Variants in GRIK4 observed in about 807,000 individuals in gnomAD.
GRIK4 encodes glutamate receptor ionotropic, kainate 4.
Under a neutral mutation model 104.9 loss-of-function variants are expected in GRIK4, and 40 were observed. That is an observed-to-expected ratio of 0.38 (90% CI 0.30 to 0.50). GRIK4 has a LOEUF of 0.50. Ranked by LOEUF, GRIK4 falls within the 20% of genes least tolerant of loss-of-function variation. The pLI, the probability that GRIK4 is intolerant of heterozygous loss-of-function variation, is 0.93. For synonymous variants in GRIK4, 485 were observed against 524.9 expected, an observed-to-expected ratio of 0.92 and a Z score of 1.04; for missense variants, 1,047 against 1,308.1, an observed-to-expected ratio of 0.80 and a Z score of 3.08.
intron 8 of GRIK4, among the ~76,000 whole-genome samples, chr11:120,841,630 C>T (rs1004807894): frequency 2.6e-5 from 4 of 152,106 alleles, no homozygotes; most frequent in Non-Finnish European, 5.9e-5. Flanking sequence ...GTGTATATGC[C>T]TAAGAGTGGA....
intron 1 of GRIK4, among the ~76,000 whole-genome samples, chr11:120,579,100 C>T (rs891511121): frequency 6.6e-6 from 1 of 152,190 alleles, no homozygotes; most frequent in African/African-American, 2.4e-5. Flanking sequence ...TATTGAGCAT[C>T]CACTGTATGC....
intron 6 of GRIK4, among the ~76,000 whole-genome samples, chr11:120,821,072 T>A: frequency 6.6e-6 from 1 of 152,190 alleles, no homozygotes; most frequent in East Asian, 1.9e-4. Context: ...GCCACACAAC[T>A]TAAGCACCAG....
chr11:120,958,183 A>G (rs1026644657), intron 16 of GRIK4, among the ~76,000 whole-genome samples: 1 of 152,226 alleles, frequency 6.6e-6, no homozygotes, highest in Non-Finnish European at 1.5e-5. Flanking sequence ...CCACAGATGG[A>G]TGCAGCTAGA....
At chr11:120,780,711 GT>G (rs780695888) in intron 3 of GRIK4, among the ~76,000 whole-genome samples, 2 of 151,670 alleles carry the variant, frequency 1.3e-5, no homozygotes, top group Admixed American at 6.6e-5. Flanking sequence ...ATTATCCGGG[GT>G]TTTTTTTGTT....
At chr11:120,772,682 T>C (rs1181112609) in intron 3 of GRIK4, among the ~76,000 whole-genome samples, 1 of 151,484 alleles carries the variant, frequency 6.6e-6, no homozygotes, top group East Asian at 1.9e-4. Flanking sequence ...TGAGAACATT[T>C]TATATTGTGG....
At chr11:120,848,222 G>A (rs1467355708) in intron 8 of GRIK4, among the ~76,000 whole-genome samples, 1 of 152,188 alleles carries the variant, frequency 6.6e-6, no homozygotes, top group South Asian at 2.1e-4. Flanking sequence ...AAGATGCTAT[G>A]TGCCATTGAC....
At position 120,987,669 on chromosome 11, in the gene GRIK4, A is replaced by C. The variant is rs1944779745; in HGVS notation, c.*1409A>C. 1 of 152,172 alleles carries C rather than the reference A, an allele frequency of 6.6e-6. No individual in the cohort carries two copies. Among genetic ancestry groups the C allele is most frequent in the African/African-American group, 2.4e-5 (1 of 41,418 alleles). The allele number at this position is 152,172 out of a possible 1,614,324, so 9.4% of individuals were successfully genotyped here. ...CATTTAACTTCTCTTCCATCTACCA[A>C]ATAGGAGTTACTGATGCTGTCCAGG... is the stretch of plus-strand genomic sequence containing the variant. On this transcript the variant is annotated 3_prime_UTR_variant, in exon 21 of 21. Transcript: ENST00000527524.
At chr11:120,862,177 T>A in intron 9 of GRIK4, 57 bp downstream of exon 9, 1 of 1,477,830 alleles carries the variant, frequency 6.8e-7, no homozygotes, top group Non-Finnish European at 9.3e-7. Flanking sequence ...ATTGCCCCTC[T>A]GTGGGCCAAC....
chr11:120,866,651 G>C (rs1954423130), intron 9 of GRIK4, among the ~76,000 whole-genome samples: 1 of 152,166 alleles, frequency 6.6e-6, no homozygotes, highest in Non-Finnish European at 1.5e-5. Flanking sequence ...CAAGAGTAAA[G>C]ATGGGCTGAG....
chr11:120,722,190 A>G (rs1282616726), intron 3 of GRIK4, among the ~76,000 whole-genome samples: 1 of 152,218 alleles, frequency 6.6e-6, no homozygotes, highest in Non-Finnish European at 1.5e-5. Flanking sequence ...ATTCAGCAAT[A>G]GCAACTTTAA....
intron 3 of GRIK4, among the ~76,000 whole-genome samples, chr11:120,763,303 T>A (rs1951780412): frequency 1.3e-5 from 2 of 152,184 alleles, no homozygotes; most frequent in South Asian, 4.1e-4. Flanking sequence ...CCCTTTATCA[T>A]TTTTTATTGT....
chr11:120,934,659 A>G (rs1314763666), intron 13 of GRIK4, among the ~76,000 whole-genome samples: 1 of 152,200 alleles, frequency 6.6e-6, no homozygotes, highest in Non-Finnish European at 1.5e-5. Flanking sequence ...TCCAGGAGAT[A>G]AAAGAGGGGA....
chr11:120,963,431 C>G (rs1944326985), intron 18 of GRIK4, among the ~76,000 whole-genome samples: 1 of 152,224 alleles, frequency 6.6e-6, no homozygotes, highest in South Asian at 2.1e-4. Context: ...TGTTTAGCTG[C>G]TGTGGTGATT....
chr11:120,845,911 C>T (rs1471614051), intron 8 of GRIK4, among the ~76,000 whole-genome samples: 1 of 152,154 alleles, frequency 6.6e-6, no homozygotes, highest in Non-Finnish European at 1.5e-5. Context: ...GTCTGAGCTG[C>T]CAAGGTACCA....
chr11:120,885,836 G>A (rs1955104663), intron 11 of GRIK4, among the ~76,000 whole-genome samples: 1 of 152,178 alleles, frequency 6.6e-6, no homozygotes, highest in African/African-American at 2.4e-5. Flanking sequence ...TACAGGGGTG[G>A]CATTTTTAGT....
At chr11:120,904,894 G>A (rs1942831605) in intron 12 of GRIK4, among the ~76,000 whole-genome samples, 1 of 152,142 alleles carries the variant, frequency 6.6e-6, no homozygotes, top group Admixed American at 6.5e-5. Flanking sequence ...ACATGTACCT[G>A]TTCTTACCTA....
At chr11:120,767,709 C>T (rs1032091421) in intron 3 of GRIK4, among the ~76,000 whole-genome samples, 3 of 152,028 alleles carry the variant, frequency 2.0e-5, no homozygotes, top group Non-Finnish European at 2.9e-5. Context: ...CTATGCATTT[C>T]GAGTTTATTT....
At chr11:120,761,030 T>G (rs1951740178) in intron 3 of GRIK4, among the ~76,000 whole-genome samples, 1 of 152,166 alleles carries the variant, frequency 6.6e-6, no homozygotes, top group Admixed American at 6.5e-5. Context: ...CACACTGTCT[T>G]CCACAATGGT....
At chr11:120,746,004 C>T (rs1363824046) in intron 3 of GRIK4, among the ~76,000 whole-genome samples, 1 of 152,146 alleles carries the variant, frequency 6.6e-6, no homozygotes, top group Non-Finnish European at 1.5e-5. Context: ...GAGTTTGGGA[C>T]TTGGGGATGT....
Sources: allele counts gnomAD v4.1 joint callset (sites outside exome capture counted in the v4.1 genomes callset), GRCh38; gene constraint gnomAD v4.1.1; transcripts MANE v1.5; gene names NCBI Gene and HGNC (gene_info 2026-07-23, HGNC 2026-07-21).